The following NTM variants were observed in gnomAD, a reference collection of about 807,000 sequenced individuals.
NTM encodes IgLON family member 2.
NTM carries 13 observed loss-of-function variants against 42.1 expected under a neutral mutation model. The ratio of observed to expected loss-of-function variants is 0.31; its 90% CI spans 0.20 to 0.49. The LOEUF (loss-of-function observed/expected upper bound fraction) is 0.49, where lower values mean the gene tolerates loss of function less well. Ranked by LOEUF, NTM falls within the 20% of genes least tolerant of loss-of-function variation. The pLI is 0.99. For synonymous variants in NTM, 187 were observed against 179.2 expected, an observed-to-expected ratio of 1.04 and a Z score of -0.35; for missense variants, 373 against 452.8, an observed-to-expected ratio of 0.82 and a Z score of 1.60.
Position 132,023,730 on chromosome 11 carries a change from T to G in NTM, c.167+112082T>G, listed in dbSNP as rs111599582. Among the ~76,000 whole-genome samples the G allele has an allele frequency of 5.6e-3, 849 of 150,790 alleles. 14 individuals are homozygous for G. Among genetic ancestry groups the G allele is most frequent in the African/African-American group, 0.019 (782 of 40,442 alleles). ...GTTGTTGTTGGTTTTGTTGTTGTTG[T>G]TGGTTTTGTTGTTGGTGGTGGTTTT... On this transcript the variant is annotated intron_variant, in intron 2 of 8. Coordinates refer to ENST00000683400, the MANE Select transcript of NTM (RefSeq NM_001352005.2).
chr11:131,984,454 A>C (rs2065756578), intron 2 of NTM: 1 of 152,184 alleles, frequency 6.6e-6, no homozygotes, highest in Non-Finnish European at 1.5e-5. Context: ...CTATACTCTG[A>C]TTCTGTTCTC....
chr11:131,816,266 T>G (rs943045829), intron 1 of NTM, among the ~76,000 whole-genome samples: 15 of 152,150 alleles, frequency 9.9e-5, no homozygotes, highest in African/African-American at 3.1e-4. Context: ...CAATCCTGAC[T>G]CAGTATGCTG....
At chr11:131,589,334 A>G (rs1324615207) in intron 1 of NTM, among the ~76,000 whole-genome samples, 1 of 152,102 alleles carries the variant, frequency 6.6e-6, no homozygotes, top group Non-Finnish European at 1.5e-5. Context: ...CACATTCTTC[A>G]TTATAAAGTG....
intron 2 of NTM, among the ~76,000 whole-genome samples, chr11:131,991,023 C>T (rs936846277): frequency 4.6e-5 from 7 of 152,074 alleles, no homozygotes; most frequent in African/African-American, 1.7e-4. Flanking sequence ...CAGTACTGCA[C>T]AATAAATGGG....
At chr11:131,786,468 A>G (rs2089238703) in intron 1 of NTM, among the ~76,000 whole-genome samples, 1 of 152,212 alleles carries the variant, frequency 6.6e-6, no homozygotes, top group East Asian at 1.9e-4. Context: ...AACAATTACT[A>G]AAGTCAACAG....
At chr11:131,393,098 G>A (rs150595977) in intron 1 of NTM, among the ~76,000 whole-genome samples, 3 of 152,080 alleles carry the variant, frequency 2.0e-5, no homozygotes, top group Admixed American at 6.5e-5. Context: ...TTATTCAGAC[G>A]GGCTCTCTCT....
intron 2 of NTM, among the ~76,000 whole-genome samples, chr11:131,912,081 G>A (rs2055198302): frequency 6.6e-6 from 1 of 152,210 alleles, no homozygotes; most frequent in East Asian, 1.9e-4. Flanking sequence ...ACTCGCCCAT[G>A]CCATAGGGCT....
chr11:132,331,445 G>A (rs1469181573), intron 8 of NTM, among the ~76,000 whole-genome samples: 1 of 152,182 alleles, frequency 6.6e-6, no homozygotes, highest in African/African-American at 2.4e-5. Context: ...GGAAATTGAG[G>A]TAAGGCAGAG....
At chr11:131,375,063 C>G (rs1941773827) in intron 1 of NTM, among the ~76,000 whole-genome samples, 1 of 152,202 alleles carries the variant, frequency 6.6e-6, no homozygotes. Flanking sequence ...AAATGCTTCA[C>G]ACACCCAATA....
chr11:131,503,619 C>G (rs1282604724), intron 1 of NTM, among the ~76,000 whole-genome samples: 1 of 151,844 alleles, frequency 6.6e-6, no homozygotes, highest in Admixed American at 6.6e-5. Flanking sequence ...ACCTCCCAGA[C>G]TCAAGCAATT....
chr11:131,893,152 A>T (rs2051651460), intron 1 of NTM, among the ~76,000 whole-genome samples: 1 of 152,198 alleles, frequency 6.6e-6, no homozygotes, highest in African/African-American at 2.4e-5. Context: ...TTAGGGCTAG[A>T]ATTTTAAAAA....
At chr11:131,723,437 A>C (rs774746714) in intron 1 of NTM, among the ~76,000 whole-genome samples, 2 of 152,260 alleles carry the variant, frequency 1.3e-5, no homozygotes, top group Non-Finnish European at 2.9e-5. Context: ...TATGTGCAGC[A>C]TGGAGGGTTT....
Position 131,809,524 on chromosome 11 carries a change from C to T in NTM, c.83-102040C>T, listed in dbSNP as rs192821531. Among the ~76,000 whole-genome samples, 12 of 152,294 alleles carry T rather than the reference C, an allele frequency of 7.9e-5. No homozygotes were observed. In the East Asian group the frequency reaches 1.7e-3, roughly 22 times the overall value. The stretch of plus-strand genomic sequence containing the variant: ...AGGGAGCATGGGAGAGAATGACAGG[C>T]GGGTTTCACAGTTATGCCCAGCACT... On this transcript the variant is annotated intron_variant, in intron 1 of 8. Transcript: ENST00000683400.
intron 2 of NTM, among the ~76,000 whole-genome samples, chr11:132,008,866 C>CTTTTTTTTT (rs538607736): frequency 7.3e-6 from 1 of 137,652 alleles, no homozygotes; most frequent in Non-Finnish European, 1.6e-5. Context: ...TCCTTGTTTT[C>CTTTTTTTTT]TTTTTTTTTT....
intron 3 of NTM, among the ~76,000 whole-genome samples, chr11:132,166,468 A>G (rs1169214539): frequency 6.6e-6 from 1 of 152,184 alleles, no homozygotes; most frequent in Non-Finnish European, 1.5e-5. Context: ...AAATCTTGAA[A>G]GGAAGTGAAG....
chr11:131,428,413 A>G lies in NTM; in HGVS notation c.82+57525A>G, dbSNP rs373546286. On this transcript the variant is annotated intron_variant, in intron 1 of 8. Coordinates refer to ENST00000683400, the MANE Select transcript of NTM (RefSeq NM_001352005.2). ...CCTCCCTACTTCTTGATTTATCTACATATATCTACTATGTGTGGCCTCTTT... is the reference window on the plus strand; with the variant it reads ...CCTCCCTACTTCTTGATTTATCTACGTATATCTACTATGTGTGGCCTCTTT... 8.8e-4 allele frequency among the ~76,000 whole-genome samples: 134 copies of G among 152,234 alleles called. 1 individual carries two copies. Among genetic ancestry groups the G allele is most frequent in the African/African-American group, 3.0e-3 (126 of 41,546 alleles).
At chr11:131,843,991 G>C (rs1029031038) in intron 1 of NTM, among the ~76,000 whole-genome samples, 7 of 150,404 alleles carry the variant, frequency 4.7e-5, no homozygotes, top group South Asian at 2.1e-4. Context: ...ACTTTATGAT[G>C]TCTTCTTTTT....
In NTM at chr11:132,157,606, C is replaced by T. The variant is rs2073458990; in HGVS notation, c.400+11092C>T. ...TGAGATTTGGTTTGTGAATGTGGGA[C>T]CAGAGTTGAAGATTAAAATCGCTAA... is the stretch of plus-strand genomic sequence containing the variant. On this transcript the variant is annotated intron_variant, in intron 3 of 8. Coordinates refer to ENST00000683400, the MANE Select transcript of NTM (RefSeq NM_001352005.2). Among the ~76,000 whole-genome samples, 3 of 152,120 alleles carry T rather than the reference C, an allele frequency of 2.0e-5. No homozygotes were observed. The South Asian group carries it at 6.2e-4, about 32-fold the overall frequency.
At chr11:131,880,512 C>A (rs2049294857) in intron 1 of NTM, among the ~76,000 whole-genome samples, 1 of 152,196 alleles carries the variant, frequency 6.6e-6, no homozygotes. Flanking sequence ...TGGGGATTAG[C>A]AGAGAAGCTC....
Sources: allele counts gnomAD v4.1 joint callset (sites outside exome capture counted in the v4.1 genomes callset), GRCh38; gene constraint gnomAD v4.1.1; transcripts MANE v1.5; gene names NCBI Gene and HGNC (gene_info 2026-07-23, HGNC 2026-07-21).